The following MACROD2 variants were observed in gnomAD, a reference collection of about 807,000 sequenced individuals.
MACROD2 encodes mono-ADP ribosylhydrolase 2.
Under a neutral mutation model 70.4 loss-of-function variants are expected in MACROD2, and 36 were observed. The observed-to-expected ratio is 0.51, with a 90% CI of 0.39 to 0.68. The LOEUF is 0.68. Ranked by LOEUF, MACROD2 falls within the 30% of genes least tolerant of loss-of-function variation. The probability of loss-of-function intolerance (pLI) is 0.00; values close to 1 mark genes in which losing one functional copy is unlikely to be tolerated. For missense variants in MACROD2, 496 were observed against 538.4 expected, an observed-to-expected ratio of 0.92 and a Z score of 0.78; for synonymous variants, 172 against 178.8, an observed-to-expected ratio of 0.96 and a Z score of 0.30.
intron 5 of MACROD2, among the ~76,000 whole-genome samples, chr20:14,937,737 T>G (rs1394840991): frequency 6.6e-6 from 1 of 152,154 alleles, no homozygotes; most frequent in Non-Finnish European, 1.5e-5. Flanking sequence ...TAGATTATTG[T>G]AAATTATGGT....
At chr20:15,025,913 G>A (rs2075227591) in intron 5 of MACROD2, among the ~76,000 whole-genome samples, 1 of 152,292 alleles carries the variant, frequency 6.6e-6, no homozygotes. Context: ...GGCAGAAAAA[G>A]GGAAAGCCTG....
chr20:15,219,611 A>G (rs1403899339), intron 5 of MACROD2, among the ~76,000 whole-genome samples: 2 of 152,220 alleles, frequency 1.3e-5, no homozygotes, highest in African/African-American at 4.8e-5. Context: ...TTTTCTAAAT[A>G]CAACAGTTCC....
At position 14,296,342 on chromosome 20, in the gene MACROD2, T is replaced by G. The variant is rs1256669748; in HGVS notation, c.272-197137T>G. On this transcript the variant is annotated intron_variant, in intron 3 of 17. Transcript: ENST00000684519. ...ATGTGTGCATGTGCATTTAGAGACA[T>G]GTACAAGAAGTTCATGGCTGCATTA... Among the ~76,000 whole-genome samples, 3 of 151,942 alleles carry G rather than the reference T, an allele frequency of 2.0e-5. No individual in the cohort carries two copies. The East Asian group carries it at 5.8e-4, about 29-fold the overall frequency.
chr20:15,591,018 A>G (rs1054610812), intron 8 of MACROD2, among the ~76,000 whole-genome samples: 1 of 152,112 alleles, frequency 6.6e-6, no homozygotes, highest in African/African-American at 2.4e-5. Flanking sequence ...AAAAAGAAAG[A>G]AAGAGAAAGA....
chr20:14,456,718 T>G (rs949091397), intron 3 of MACROD2, among the ~76,000 whole-genome samples: 10 of 142,366 alleles, frequency 7.0e-5, no homozygotes, highest in African/African-American at 2.7e-4. Context: ...AGGATCTTTT[T>G]TTTTTTTTTT....
chr20:15,023,868 C>T (rs1471915440), intron 5 of MACROD2, among the ~76,000 whole-genome samples: 2 of 152,142 alleles, frequency 1.3e-5, no homozygotes, highest in African/African-American at 4.8e-5. Context: ...ACTTCTCACA[C>T]ATTTTCACTG....
chr20:15,492,094 G>T (rs2047238988), intron 7 of MACROD2, among the ~76,000 whole-genome samples: 1 of 152,188 alleles, frequency 6.6e-6, no homozygotes, highest in African/African-American at 2.4e-5. Context: ...AGTAATAGGG[G>T]CAGTGTCACT....
intron 4 of MACROD2, among the ~76,000 whole-genome samples, chr20:14,679,049 G>T (rs1475109109): frequency 6.6e-6 from 1 of 152,002 alleles, no homozygotes; most frequent in East Asian, 1.9e-4. Context: ...AGATAGGTGG[G>T]GATATACAAA....
At chr20:15,198,575 A>G (rs1490758279) in intron 5 of MACROD2, among the ~76,000 whole-genome samples, 1 of 152,168 alleles carries the variant, frequency 6.6e-6, no homozygotes, top group East Asian at 1.9e-4. Flanking sequence ...ATAAAATACT[A>G]TATCATTAGT....
intron 3 of MACROD2, among the ~76,000 whole-genome samples, chr20:14,196,912 G>A (rs2081437332): frequency 6.6e-6 from 1 of 152,228 alleles, no homozygotes; most frequent in Non-Finnish European, 1.5e-5. Context: ...AAATGTACCA[G>A]TTTGGGCCCT....
Position 15,599,706 on chromosome 20 carries a change from T to C in MACROD2, c.645+99859T>C, listed in dbSNP as rs180999819. 9.8e-5 allele frequency among the ~76,000 whole-genome samples: 15 copies of C among 152,362 alleles called. No individual in the cohort carries two copies. In the East Asian group the frequency reaches 2.7e-3, roughly 27 times the overall value. The stretch of plus-strand genomic sequence containing the variant: ...AATAGTGTAGGAACCAATATGTCTA[T>C]ATTTTAAATTTTTTGCTGTTGGTAT... On this transcript the variant is annotated intron_variant, in intron 8 of 17. Coordinates refer to ENST00000684519, the MANE Select transcript of MACROD2 (RefSeq NM_001351661.2).
At chr20:14,313,921 C>T (rs1284597991) in intron 3 of MACROD2, among the ~76,000 whole-genome samples, 1 of 152,086 alleles carries the variant, frequency 6.6e-6, no homozygotes, top group Non-Finnish European at 1.5e-5. Context: ...ACTATAGTTG[C>T]CTGAGACATG....
chr20:15,188,399 G>A (rs973957319), intron 5 of MACROD2, among the ~76,000 whole-genome samples: 4 of 152,166 alleles, frequency 2.6e-5, no homozygotes, highest in Non-Finnish European at 5.9e-5. Context: ...AAAGAGTCGA[G>A]CAACATGGTT....
chr20:14,787,147 C>A (rs963296474), intron 5 of MACROD2, among the ~76,000 whole-genome samples: 1 of 151,958 alleles, frequency 6.6e-6, no homozygotes, highest in African/African-American at 2.4e-5. Flanking sequence ...ATGTAATAGA[C>A]CATTTGATTC....
chr20:16,044,930 C>T (rs952930003), intron 17 of MACROD2, among the ~76,000 whole-genome samples: 4 of 152,112 alleles, frequency 2.6e-5, no homozygotes, highest in African/African-American at 9.7e-5. Context: ...CCCTGGCCTC[C>T]TGGAGTGGTC....
At chr20:14,822,879 A>C (rs1234845456) in intron 5 of MACROD2, among the ~76,000 whole-genome samples, 2 of 152,070 alleles carry the variant, frequency 1.3e-5, no homozygotes, top group African/African-American at 2.4e-5. Flanking sequence ...ATTGTATAGA[A>C]TCTGGGTATT....
At chr20:14,113,005 C>T (rs2054471608) in intron 3 of MACROD2, among the ~76,000 whole-genome samples, 1 of 151,754 alleles carries the variant, frequency 6.6e-6, no homozygotes, top group South Asian at 2.1e-4. Flanking sequence ...GAACAGTATT[C>T]TTATTTGTAG....
chr20:15,373,307 A>G (rs1414245021), intron 6 of MACROD2, among the ~76,000 whole-genome samples: 1 of 152,210 alleles, frequency 6.6e-6, no homozygotes, highest in Non-Finnish European at 1.5e-5. Flanking sequence ...CTGGAAGGGC[A>G]AAACCCCATA....
intron 5 of MACROD2, among the ~76,000 whole-genome samples, chr20:14,767,313 G>A (rs2072103790): frequency 6.6e-6 from 1 of 152,044 alleles, no homozygotes; most frequent in Admixed American, 6.5e-5. Context: ...TGGTATAAAA[G>A]GATTAATTTT....
Sources: allele counts gnomAD v4.1 joint callset (sites outside exome capture counted in the v4.1 genomes callset), GRCh38; gene constraint gnomAD v4.1.1; transcripts MANE v1.5; gene names NCBI Gene and HGNC (gene_info 2026-07-23, HGNC 2026-07-21).